TAFA5: variants seen among roughly 807,000 people sequenced by gnomAD.
TAFA5 encodes the protein chemokine-like protein TAFA-5.
Under a neutral mutation model 15.3 loss-of-function variants are expected in TAFA5, and 6 were observed. The observed-to-expected ratio is 0.39, with a 90% confidence interval of 0.21 to 0.77. The LOEUF is 0.77. Ranked by LOEUF, TAFA5 falls within the 30% of genes least tolerant of loss-of-function variation. The pLI, the probability that TAFA5 is intolerant of heterozygous loss-of-function variation, is 0.41. For missense variants in TAFA5, 161 were observed against 193.1 expected (o/e 0.83, Z 0.98); for synonymous variants, 103 against 80.7 (o/e 1.28, Z -1.48).
chr22:48,509,350 C>T (rs950395323), intron 1 of TAFA5, among the ~76,000 whole-genome samples: 6 of 152,098 alleles, frequency 3.9e-5, no homozygotes, highest in Non-Finnish European at 5.9e-5. Flanking sequence ...TAGATGAGGG[C>T]GTAGGTGCTA....
chr22:48,697,148 C>T (rs1928736558), intron 2 of TAFA5, among the ~76,000 whole-genome samples: 1 of 152,226 alleles, frequency 6.6e-6, no homozygotes. Context: ...AGACAGGCCA[C>T]TGGGGTGCAG....
chr22:48,493,625 G>C (rs116875522), intron 1 of TAFA5, among the ~76,000 whole-genome samples: 1 of 152,204 alleles, frequency 6.6e-6, no homozygotes, highest in African/African-American at 2.4e-5. Flanking sequence ...AATTCTCACT[G>C]TGTTTTTATT....
chr22:48,498,259 A>T (rs1920936406), intron 1 of TAFA5, among the ~76,000 whole-genome samples: 1 of 98,794 alleles, frequency 1.0e-5, no homozygotes, highest in Admixed American at 1.1e-4. Context: ...GCGGGGCTGA[A>T]GAGTGGGGTG....
chr22:48,518,829 C>T (rs532666078), intron 1 of TAFA5, among the ~76,000 whole-genome samples: 376 of 152,378 alleles, frequency 2.5e-3, no homozygotes, highest in African/African-American at 8.7e-3. Flanking sequence ...TTCCTGAAGA[C>T]ACTTTACACC....
Position 48,552,258 on chromosome 22 carries a change from T to C in TAFA5, c.112+62554T>C, listed in dbSNP as rs77480212. Among the ~76,000 whole-genome samples the C allele has an allele frequency of 1.4e-4, 22 of 152,282 alleles. No individual in the cohort carries two copies. In the East Asian group the frequency reaches 2.9e-3, roughly 20 times the overall value. ...CTGTGGGCCAGCTGCCTTTGCTTGC[T>C]GGTGTCCTGGTGCCTGGCTGCTGTC... is the stretch of plus-strand genomic sequence containing the variant. On this transcript the variant is annotated intron_variant, in intron 1 of 3. Coordinates refer to ENST00000402357, the MANE Select transcript of TAFA5 (RefSeq NM_001082967.3). The surrounding 1 kb of genome is among the most constrained non-coding windows in gnomAD (Gnocchi z 4.1).
intron 2 of TAFA5, among the ~76,000 whole-genome samples, chr22:48,659,756 CCTTTT>C (rs145950436): frequency 0.87 from 131,746 of 152,134 alleles, 57,503 homozygotes; most frequent in East Asian, 1. Flanking sequence ...TGGGGCTTGG[CCTTTT>C]TGGTGGGGAA....
intron 1 of TAFA5, among the ~76,000 whole-genome samples, chr22:48,601,957 C>T (rs1456780540): frequency 6.6e-6 from 1 of 151,954 alleles, no homozygotes; most frequent in Non-Finnish European, 1.5e-5. Flanking sequence ...TCATGGCTGG[C>T]ACATACAGAC....
intron 2 of TAFA5, among the ~76,000 whole-genome samples, chr22:48,677,182 G>A (rs1928002300): frequency 6.6e-6 from 1 of 152,264 alleles, no homozygotes; most frequent in South Asian, 2.1e-4. Context: ...GCTGCCTTCT[G>A]AGTGCCCGTC....
chr22:48,591,360 TG>T (rs1205929713), intron 1 of TAFA5, among the ~76,000 whole-genome samples: 4 of 151,948 alleles, frequency 2.6e-5, no homozygotes, highest in Non-Finnish European at 4.4e-5. Flanking sequence ...CAGGCAGGAG[TG>T]GGTGTTCCCG....
chr22:48,565,999 T>A (rs1923394905), intron 1 of TAFA5, among the ~76,000 whole-genome samples: 1 of 150,062 alleles, frequency 6.7e-6, no homozygotes. Context: ...CAGATGGATG[T>A]ATGATGGATG....
In TAFA5 at chr22:48,701,490, C is replaced by G. The variant is rs144267911; in HGVS notation, c.263-6227C>G. ...GTCGGCGCAACCCTCAGCTGCCTTT[C>G]CTAGGGTAAACTTTCCTCCCAGGCC... On this transcript the variant is annotated intron_variant, in intron 2 of 3. Coordinates refer to ENST00000402357, the MANE Select transcript of TAFA5 (RefSeq NM_001082967.3). 9.2e-5 allele frequency among the ~76,000 whole-genome samples: 14 copies of G among 152,266 alleles called. No individual in the cohort carries two copies. The East Asian group carries it at 2.5e-3, about 27-fold the overall frequency.
At chr22:48,659,636 C>T (rs1161463870) in intron 2 of TAFA5, among the ~76,000 whole-genome samples, 1 of 152,152 alleles carries the variant, frequency 6.6e-6, no homozygotes, top group African/African-American at 2.4e-5. Flanking sequence ...CCCACTTGTT[C>T]TCGCCCTGTC....
chr22:48,746,303 AGTCACCC>A (rs1250973067), intron 3 of TAFA5, among the ~76,000 whole-genome samples: 6 of 151,952 alleles, frequency 3.9e-5, no homozygotes, highest in African/African-American at 1.4e-4. Context: ...CAGACACCCC[AGTCACCC>A]GTCACTCTCA....
intron 1 of TAFA5, among the ~76,000 whole-genome samples, chr22:48,492,586 C>G (rs1928193339): frequency 1.3e-5 from 2 of 152,172 alleles, no homozygotes; most frequent in African/African-American, 2.4e-5. Context: ...GACCTGCAGT[C>G]CACCAATTAG....
At chr22:48,588,456 A>G (rs1183209988) in intron 1 of TAFA5, among the ~76,000 whole-genome samples, 3 of 152,238 alleles carry the variant, frequency 2.0e-5, no homozygotes, top group East Asian at 3.9e-4. Flanking sequence ...GAAGGAAGGC[A>G]TTGCTCGCAG....
chr22:48,665,057 T>G (rs1315097320), intron 2 of TAFA5, among the ~76,000 whole-genome samples: 1 of 152,188 alleles, frequency 6.6e-6, no homozygotes, highest in African/African-American at 2.4e-5. Flanking sequence ...ATGAATGTTC[T>G]GTGTGCGTCA....
intron 2 of TAFA5, among the ~76,000 whole-genome samples, chr22:48,673,167 C>A (rs747285170): frequency 6.6e-6 from 1 of 152,230 alleles, no homozygotes; most frequent in Non-Finnish European, 1.5e-5. Context: ...CCTCCATCAC[C>A]GTCATCTTCT....
chr22:48,602,506 T>C (rs769309448), intron 1 of TAFA5, among the ~76,000 whole-genome samples: 1 of 152,232 alleles, frequency 6.6e-6, no homozygotes, highest in Non-Finnish European at 1.5e-5. Flanking sequence ...CGTTTCCACC[T>C]TGAGTACCTC....
intron 1 of TAFA5, among the ~76,000 whole-genome samples, chr22:48,623,577 G>A (rs1014446829): frequency 3.3e-5 from 5 of 152,322 alleles, no homozygotes; most frequent in Admixed American, 1.3e-4. Context: ...GCGGCTCATC[G>A]CTGAGTGCCA....
Sources: gnomAD v4.1 joint callset for allele counts (sites outside exome capture counted in the v4.1 genomes callset) on GRCh38, gnomAD v4.1.1 for gene constraint, Gnocchi (gnomAD v3.1) non-coding constraint, MANE v1.5 for transcripts, NCBI Gene and HGNC (gene_info 2026-07-23, HGNC 2026-07-21) for gene names.